The following YES1 variants were observed in gnomAD, a reference collection of about 807,000 sequenced individuals.
YES1 encodes tyrosine-protein kinase Yes.
A neutral mutation model predicts 70.4 loss-of-function variants in YES1; 39 were observed. That is an observed-to-expected ratio of 0.55 (90% CI 0.43 to 0.72). The LOEUF is 0.72. Among genes scored for constraint, YES1 ranks in the 30% least tolerant of loss-of-function variants. YES1 has a pLI of 0.00. For synonymous variants in YES1, 198 were observed against 218.6 expected (o/e 0.91, Z 0.83); for missense variants, 495 against 644.8 (o/e 0.77, Z 2.52).
intron 10 of YES1, among the ~76,000 whole-genome samples, chr18:734,624 T>C (rs1598890383): frequency 6.6e-6 from 1 of 150,664 alleles, no homozygotes; most frequent in East Asian, 2.0e-4. Flanking sequence ...ATCAGGGAAA[T>C]GCAAATTAAA....
chr18:793,721 T>C (rs1440533958), intron 1 of YES1, among the ~76,000 whole-genome samples: 1 of 152,162 alleles, frequency 6.6e-6, no homozygotes, highest in Admixed American at 6.5e-5. Flanking sequence ...TACAAAAATA[T>C]ATTGAGAAAT....
At chr18:732,668 C>T (rs2080106395) in intron 11 of YES1, among the ~76,000 whole-genome samples, 166 bp downstream of exon 11, 2 of 152,030 alleles carry the variant, frequency 1.3e-5, no homozygotes, top group South Asian at 4.1e-4. Flanking sequence ...TCCAATGCCA[C>T]AGTTACCCAT....
chr18:783,954 A>C (rs948918951), intron 1 of YES1, among the ~76,000 whole-genome samples: 45 of 152,202 alleles, frequency 3.0e-4, no homozygotes, highest in African/African-American at 1.1e-3. Context: ...ACATGCAATA[A>C]ACACTAAAAG....
intron 2 of YES1, among the ~76,000 whole-genome samples, chr18:755,941 C>T (rs981126375): frequency 2.6e-5 from 4 of 152,084 alleles, no homozygotes; most frequent in East Asian, 1.9e-4. Context: ...TCTGTCTCCA[C>T]GAAAGGTTGT....
chr18:728,109 G>T (rs990784342), intron 11 of YES1, among the ~76,000 whole-genome samples: 33 of 152,242 alleles, frequency 2.2e-4, no homozygotes, highest in Middle Eastern at 6.8e-3. Flanking sequence ...GACAGGGCAG[G>T]CAAATCGCTT....
rs192320794 is a variant in YES1, at chr18:723,234, G to A, written c.*1190C>T. 4 of 152,498 alleles carry A rather than the reference G, an allele frequency of 2.6e-5. No homozygotes were observed. Among genetic ancestry groups the A allele is most frequent in the African/African-American group, 4.8e-5 (2 of 41,582 alleles). The allele number at this position is 152,498 out of a possible 1,614,324, so 9.4% of individuals were successfully genotyped here. A position where few individuals can be genotyped will look rare whatever the true frequency, so the allele number is the denominator to read the frequency against. On this transcript the variant is annotated 3_prime_UTR_variant, in exon 12 of 12. Coordinates refer to ENST00000314574, the MANE Select transcript of YES1 (RefSeq NM_005433.4). ...ATTATTTTGAACAAATACCCATTTAGTGTGTAAGAAAAATTAGTTTTATAG... is the reference window on the plus strand; with the variant it reads ...ATTATTTTGAACAAATACCCATTTAATGTGTAAGAAAAATTAGTTTTATAG...
intron 1 of YES1, among the ~76,000 whole-genome samples, chr18:776,203 T>C (rs1394987184): frequency 6.6e-6 from 1 of 151,978 alleles, no homozygotes; most frequent in Non-Finnish European, 1.5e-5. Flanking sequence ...TCGATCTTTT[T>C]TTTTTTTTGA....
At position 732,984 on chromosome 18, in the gene YES1, TCTTG is replaced by T. The variant is rs780136264; in HGVS notation, c.1292-23_1292-20del. The T allele has an allele frequency of 4.5e-5, 72 of 1,613,748 alleles. No homozygotes were observed. The highest frequency in any genetic ancestry group is 3.1e-4 in the South Asian group (28 of 91,064). ...TTTGCACCTAAAATAATGTTGACCA[TCTTG>T]CTTAATTGTTTTTTAAAAATCTATT... is the stretch of plus-strand genomic sequence containing the variant. On this transcript the variant is annotated intron_variant, in intron 10 of 11. Transcript: ENST00000314574.
intron 1 of YES1, among the ~76,000 whole-genome samples, chr18:779,452 GTTATAGA>G (rs1905547657): frequency 6.7e-6 from 1 of 148,170 alleles, no homozygotes; most frequent in Non-Finnish European, 1.5e-5. Flanking sequence ...AATTTTTTTT[GTTATAGA>G]TTATAGTAAC....
rs2079981498 is a variant in YES1 at position 723,315 on chromosome 18, T to G, written c.*1109A>C. 1 of 152,618 alleles carries G rather than the reference T, an allele frequency of 6.6e-6. No individual in the cohort carries two copies. Among genetic ancestry groups the G allele is most frequent in the Admixed American group, 6.5e-5 (1 of 15,282 alleles). The allele number at this position is 152,618 out of a possible 1,614,324, so 9.5% of individuals were successfully genotyped here. A position where few individuals can be genotyped will look rare whatever the true frequency, so the allele number is the denominator to read the frequency against. On this transcript the variant is annotated 3_prime_UTR_variant, in exon 12 of 12. Transcript: ENST00000314574. ...ATATAGCTAAGTGAGGAGCTCTGAG[T>G]GCCAGCAAAGCCATTCTGTCACTCC... is the stretch of plus-strand genomic sequence containing the variant.
chr18:810,629 G>A (rs1438723087), intron 1 of YES1, among the ~76,000 whole-genome samples: 1 of 152,106 alleles, frequency 6.6e-6, no homozygotes, highest in East Asian at 1.9e-4. Context: ...TCAGATCAAA[G>A]GCAATTGTCT....
Position 743,116 on chromosome 18 carries a change from T to C in YES1, c.881-19A>G. 1 of 1,562,522 alleles carries C rather than the reference T, an allele frequency of 6.4e-7. No homozygotes were observed. The highest frequency in any genetic ancestry group is 8.6e-7 in the Non-Finnish European group (1 of 1,159,118). On this transcript the variant is annotated intron_variant, in intron 7 of 11. Coordinates refer to ENST00000314574, the MANE Select transcript of YES1 (RefSeq NM_005433.4). ...CATGTTCCTAAAGAAATAACACATT[T>C]TAGGAATTTATATTTTAAAGGATTT...
intron 1 of YES1, among the ~76,000 whole-genome samples, chr18:780,173 C>A (rs1373543512): frequency 1.3e-5 from 2 of 152,026 alleles, no homozygotes; most frequent in Admixed American, 1.3e-4. Context: ...CACAGTTAGC[C>A]AAGATCATGC....
intron 9 of YES1, chr18:739,242 C>T (rs1598894842): frequency 6.6e-6 from 1 of 152,248 alleles, no homozygotes; most frequent in Non-Finnish European, 1.5e-5. Context: ...TTAGATACCT[C>T]TCATCTTTTG....
chr18:778,394 TTGGAAACAGCA>T (rs1326286229), intron 1 of YES1, among the ~76,000 whole-genome samples: 1 of 152,240 alleles, frequency 6.6e-6, no homozygotes, highest in African/African-American at 2.4e-5. Flanking sequence ...TCTACTAACT[TTGGAAACAGCA>T]CCCTGCCTGT....
At chr18:737,000 A>C (rs1352902862) in intron 9 of YES1, 39 bp from the exon 10 acceptor site, 1 of 1,535,142 alleles carries the variant, frequency 6.5e-7, no homozygotes, top group Non-Finnish European at 8.8e-7. Context: ...GACATACGAT[A>C]CAAAGGGAAG....
At chr18:809,038 G>C (rs1270848120) in intron 1 of YES1, among the ~76,000 whole-genome samples, 1 of 152,138 alleles carries the variant, frequency 6.6e-6, no homozygotes, top group Non-Finnish European at 1.5e-5. Context: ...TGCCGTAATT[G>C]AGTTTTGAGT....
At chr18:725,796 G>C (rs2145656956) in intron 11 of YES1, among the ~76,000 whole-genome samples, 1 of 152,290 alleles carries the variant, frequency 6.6e-6, no homozygotes, top group East Asian at 1.9e-4. Context: ...TGAGGTGGGA[G>C]AATCACTTGA....
intron 3 of YES1, among the ~76,000 whole-genome samples, chr18:750,743 T>C (rs1169116242): frequency 1.3e-5 from 2 of 152,172 alleles, no homozygotes. Context: ...GGAAGAATGT[T>C]AAGGAAAGGC....
Sources: gnomAD v4.1 joint callset for allele counts (sites outside exome capture counted in the v4.1 genomes callset) on GRCh38, gnomAD v4.1.1 for gene constraint, MANE v1.5 for transcripts, NCBI Gene and HGNC (gene_info 2026-07-23, HGNC 2026-07-21) for gene names.